SPMIP6: variants seen among roughly 807,000 people sequenced by gnomAD.
SPMIP6 encodes the protein sperm microtubule inner protein 6.
the SPMIP6 span, among the ~76,000 whole-genome samples, chr9:34,387,546 C>T: frequency 3.3e-5 from 5 of 151,984 alleles, no homozygotes; most frequent in Non-Finnish European, 7.4e-5. Flanking sequence ...CCAGATACAC[C>T]CATAGATGCA....
chr9:34,389,418 T>A, the SPMIP6 span, among the ~76,000 whole-genome samples: 1 of 152,244 alleles, frequency 6.6e-6, no homozygotes, highest in South Asian at 2.1e-4. Flanking sequence ...TTTAAGTGTG[T>A]TACAGCTATT....
the SPMIP6 span, among the ~76,000 whole-genome samples, chr9:34,386,476 C>T: frequency 6.6e-6 from 1 of 151,870 alleles, no homozygotes; most frequent in African/African-American, 2.4e-5. Context: ...CTCCTATAGT[C>T]CCAGCTACTC....
chr9:34,379,602 C>T, the SPMIP6 span: 2 of 1,561,728 alleles, frequency 1.3e-6, no homozygotes, highest in African/African-American at 1.4e-5. This position sits in a 1 kb window ranked among gnomAD's most constrained non-coding sequence, Gnocchi z 4.2. Context: ...CTCACCAAGC[C>T]TTCAGGGTGC....
chr9:34,381,167 G>A, the SPMIP6 span: 1 of 1,559,878 alleles, frequency 6.4e-7, no homozygotes, highest in Non-Finnish European at 8.7e-7. This position sits in a 1 kb window ranked among gnomAD's most constrained non-coding sequence, Gnocchi z 4.4. Flanking sequence ...GAGACCCAAA[G>A]ACAGATGCAC....
At chr9:34,397,066 C>T in the SPMIP6 span, among the ~76,000 whole-genome samples, 3 of 152,176 alleles carry the variant, frequency 2.0e-5, no homozygotes, top group Non-Finnish European at 4.4e-5. Flanking sequence ...GCCTCAGGGC[C>T]TTTGCACTTT....
chr9:34,388,119 G>T, the SPMIP6 span, among the ~76,000 whole-genome samples: 1 of 148,488 alleles, frequency 6.7e-6, no homozygotes, highest in Admixed American at 6.8e-5. Context: ...GAAATAGAAG[G>T]GGTGATTAGT....
the SPMIP6 span, among the ~76,000 whole-genome samples, chr9:34,396,180 T>C: frequency 6.6e-6 from 1 of 152,178 alleles, no homozygotes; most frequent in Non-Finnish European, 1.5e-5. Context: ...AATATTTGCT[T>C]CCTGAAAGGG....
chr9:34,388,382 C>T, the SPMIP6 span, among the ~76,000 whole-genome samples: 6 of 151,086 alleles, frequency 4.0e-5, no homozygotes, highest in East Asian at 1.2e-3. Flanking sequence ...AAACTCCTGA[C>T]ATCAGGTGGT....
At chr9:34,380,630 G>C in the SPMIP6 span, 2 of 1,514,258 alleles carry the variant, frequency 1.3e-6, no homozygotes, top group Non-Finnish European at 8.8e-7. Flanking sequence ...AGAGCATATA[G>C]AGAGGCCAGG....
chr9:34,385,925 T>A, the SPMIP6 span: 4 of 728,312 alleles, frequency 5.5e-6, no homozygotes, highest in Non-Finnish European at 9.0e-6. Context: ...GGGATTCCCA[T>A]GCTAGCCTTG....
the SPMIP6 span, among the ~76,000 whole-genome samples, chr9:34,393,987 T>C: frequency 6.7e-6 from 1 of 148,802 alleles, no homozygotes; most frequent in Non-Finnish European, 1.5e-5. Flanking sequence ...AATGATTTCG[T>C]ATTTTTATTT....
chr9:34,379,680 G>T, the SPMIP6 span: 4 of 1,614,050 alleles, frequency 2.5e-6, no homozygotes, highest in South Asian at 4.4e-5. This position sits in a 1 kb window ranked among gnomAD's most constrained non-coding sequence, Gnocchi z 4.2. Context: ...GACGGCGGGG[G>T]AGTTGTAACA....
the SPMIP6 span, chr9:34,389,994 T>C: frequency 3.3e-5 from 5 of 151,868 alleles, no homozygotes; most frequent in Admixed American, 2.0e-4. Flanking sequence ...AACAAGGAGT[T>C]TGATCTGTAA....
At chr9:34,379,790 C>G in the SPMIP6 span, 1 of 1,365,874 alleles carries the variant, frequency 7.3e-7, no homozygotes, top group Non-Finnish European at 1.0e-6. The surrounding 1 kb of genome is among the most constrained non-coding windows in gnomAD (Gnocchi z 4.2). Flanking sequence ...TCTCATCCCC[C>G]GATTTAGACC....
At chr9:34,382,516 C>T in the SPMIP6 span, among the ~76,000 whole-genome samples, 1 of 151,578 alleles carries the variant, frequency 6.6e-6, no homozygotes, top group East Asian at 1.9e-4. Context: ...ACCCAGGAGG[C>T]AGAGGTTGCA....
the SPMIP6 span, among the ~76,000 whole-genome samples, chr9:34,384,736 C>T: frequency 5.9e-5 from 9 of 152,068 alleles, no homozygotes; most frequent in African/African-American, 1.7e-4. Flanking sequence ...CGGCTCTTTT[C>T]GAATGTACAG....
the SPMIP6 span, chr9:34,381,321 C>T: frequency 6.2e-7 from 1 of 1,612,760 alleles, no homozygotes; most frequent in Non-Finnish European, 8.5e-7. This position sits in a 1 kb window ranked among gnomAD's most constrained non-coding sequence, Gnocchi z 4.4. Context: ...CCGGCCTTCC[C>T]CAACCCTCTC....
chr9:34,389,590 G>A, the SPMIP6 span, among the ~76,000 whole-genome samples: 1 of 152,272 alleles, frequency 6.6e-6, no homozygotes, highest in Non-Finnish European at 1.5e-5. Flanking sequence ...ATATTGCCCA[G>A]GCTGGTCTTG....
the SPMIP6 span, among the ~76,000 whole-genome samples, chr9:34,386,388 G>A: frequency 3.3e-5 from 5 of 152,126 alleles, no homozygotes; most frequent in Non-Finnish European, 5.9e-5. Context: ...GAGATCAAGA[G>A]ATGGAGACTA....
Sources: allele counts gnomAD v4.1 joint callset (sites outside exome capture counted in the v4.1 genomes callset), GRCh38; gene constraint gnomAD v4.1.1; non-coding constraint Gnocchi (gnomAD v3.1); transcripts MANE v1.5; gene names NCBI Gene and HGNC (gene_info 2026-07-23, HGNC 2026-07-21).